ITGB5: variants seen among roughly 807,000 people sequenced by gnomAD.
ITGB5 encodes integrin beta-5.
ITGB5 carries 38 observed loss-of-function variants against 84.8 expected under a neutral mutation model. That is an observed-to-expected ratio of 0.45 (90% CI 0.35 to 0.59). The LOEUF is 0.59. ITGB5 is among the 20% of genes least tolerant of loss of function. ITGB5 has a pLI of 0.01. For missense variants in ITGB5, 905 were observed against 1,034.5 expected, an observed-to-expected ratio of 0.87 and a Z score of 1.72; for synonymous variants, 393 against 414.4, an observed-to-expected ratio of 0.95 and a Z score of 0.63.
intron 4 of ITGB5, among the ~76,000 whole-genome samples, chr3:124,846,347 G>C (rs1264274848): frequency 6.6e-6 from 1 of 151,294 alleles, no homozygotes; most frequent in East Asian, 1.9e-4. Flanking sequence ...TCACAAGATG[G>C]AAGGAGCTGG....
In ITGB5 at chr3:124,848,429, A is replaced by C; in HGVS notation, c.491T>G (p.Leu164Arg). Residue 164 changes from leucine (L) to arginine (R), a missense_variant, in exon 4 of 15, where the codon CTC becomes CGC. Transcript: ENST00000296181. ...GGTGAGCTTCCTCATCTCCTCCGCG[A>C]GTTTGGTGCCCAGGCTCCGGATATT... ...LDNIRSLGTK[L>R]AEEMRKLTSN... is the part of the protein sequence containing the mutation. 4 of 1,614,186 alleles carry C rather than the reference A, an allele frequency of 2.5e-6. No homozygotes were observed. In the South Asian group the frequency reaches 3.3e-5, roughly 13 times the overall value.
intron 9 of ITGB5, among the ~76,000 whole-genome samples, chr3:124,804,651 T>G (rs1390816278): frequency 6.6e-6 from 1 of 151,852 alleles, no homozygotes; most frequent in Middle Eastern, 3.2e-3. Context: ...GGCATTACTT[T>G]TTATTCACTT....
chr3:124,788,670 T>C (rs2064116226), intron 10 of ITGB5, among the ~76,000 whole-genome samples: 1 of 152,230 alleles, frequency 6.6e-6, no homozygotes, highest in Non-Finnish European at 1.5e-5. Flanking sequence ...ATTGCTACAC[T>C]GGTTTCTGAA....
intron 5 of ITGB5, among the ~76,000 whole-genome samples, chr3:124,837,183 C>T (rs917862983): frequency 1.3e-5 from 2 of 152,206 alleles, no homozygotes; most frequent in African/African-American, 4.8e-5. Flanking sequence ...CAGGCAACTG[C>T]TCACCCTCTG....
intron 2 of ITGB5, 140 bp downstream of exon 2, chr3:124,873,306 C>A: frequency 1.4e-6 from 1 of 721,810 alleles, no homozygotes; most frequent in Non-Finnish European, 2.6e-6. Context: ...TCACTCTGCC[C>A]TGATGGGGAA....
In ITGB5 at chr3:124,809,133, C is replaced by G. The variant is rs147540008; in HGVS notation, c.1152G>C (p.Leu384Phe). The change falls in exon 9 of 15, where the codon TTG becomes TTC. Residue 384 changes from leucine to phenylalanine, a missense_variant. This residue lies in a region of ITGB5 where 656 missense variants were observed against 734.7 expected (regional missense o/e 0.89). Coordinates refer to ENST00000296181, the MANE Select transcript of ITGB5 (RefSeq NM_002213.5). Reference protein sequence around the residue: ...AYNSIRSKVELSVWDQPEDLN... With the variant: ...AYNSIRSKVEFSVWDQPEDLN... The stretch of plus-strand genomic sequence containing the variant: ...GATCCTCAGGCTGATCCCAGACTGA[C>G]AACTCCACTTTAGACCGGATACTCT... 1.7e-5 allele frequency: 27 copies of G among 1,613,884 alleles called. No individual in the cohort carries two copies. The African/African-American group carries it at 2.9e-4, about 18-fold the overall frequency.
At chr3:124,782,984 T>C (rs202186668) in intron 10 of ITGB5, among the ~76,000 whole-genome samples, 1 of 151,760 alleles carries the variant, frequency 6.6e-6, no homozygotes. Context: ...CTTTTTTTTC[T>C]TTTTTAATAT....
At chr3:124,840,788 C>A (rs746225704) in intron 5 of ITGB5, among the ~76,000 whole-genome samples, 5 of 152,072 alleles carry the variant, frequency 3.3e-5, no homozygotes, top group Non-Finnish European at 7.4e-5. Context: ...CTCAGCCTCC[C>A]GAGTAGCTGG....
chr3:124,858,928 A>C (rs937833052), intron 3 of ITGB5, among the ~76,000 whole-genome samples: 3 of 152,226 alleles, frequency 2.0e-5, no homozygotes, highest in African/African-American at 7.2e-5. Flanking sequence ...GATACTGCTG[A>C]TGTTTATACA....
intron 5 of ITGB5, among the ~76,000 whole-genome samples, chr3:124,824,299 AT>A (rs2064751949): frequency 6.6e-6 from 1 of 152,228 alleles, no homozygotes; most frequent in Non-Finnish European, 1.5e-5. Context: ...TATCTAGTCA[AT>A]TCAGCAGCAA....
chr3:124,822,077 A>G (rs532608332), intron 5 of ITGB5, among the ~76,000 whole-genome samples: 1 of 152,336 alleles, frequency 6.6e-6, no homozygotes, highest in Non-Finnish European at 1.5e-5. Context: ...GTTAAAGTCA[A>G]TCAGATCCCT....
chr3:124,831,750 C>G (rs2064863388), intron 5 of ITGB5, among the ~76,000 whole-genome samples: 1 of 152,176 alleles, frequency 6.6e-6, no homozygotes, highest in Non-Finnish European at 1.5e-5. Context: ...AAGAGGCCCT[C>G]AAGACTGTTA....
At chr3:124,875,103 A>G (rs1289653814) in intron 1 of ITGB5, among the ~76,000 whole-genome samples, 2 of 152,206 alleles carry the variant, frequency 1.3e-5, no homozygotes, top group Admixed American at 6.5e-5. Flanking sequence ...TGCAAACCAC[A>G]CATCTGATAA....
intron 10 of ITGB5, among the ~76,000 whole-genome samples, chr3:124,775,231 TGAGTGTGTGAGTGC>T (rs2063907059): frequency 6.6e-6 from 1 of 152,070 alleles, no homozygotes; most frequent in African/African-American, 2.4e-5. Flanking sequence ...TGAGTGTGTA[TGAGTGTGTGAGTGC>T]AAGTGTGTGT....
At position 124,788,070 on chromosome 3, in the gene ITGB5, G is replaced by A. The variant is rs575701047; in HGVS notation, c.1693+8318C>T. On this transcript the variant is annotated intron_variant, in intron 10 of 14. Transcript: ENST00000296181. ...CCACAGGCACACGCCACCATGCCTG[G>A]ATAATTTTTTGTAGAGACGGGGCCT... Among the ~76,000 whole-genome samples the A allele has an allele frequency of 4.5e-4, 69 of 152,180 alleles. 1 individual carries two copies. In the South Asian group the frequency reaches 0.014, roughly 31 times the overall value.
At chr3:124,775,322 GTA>G (rs537840040) in intron 10 of ITGB5, among the ~76,000 whole-genome samples, 42 of 152,132 alleles carry the variant, frequency 2.8e-4, no homozygotes, top group African/African-American at 8.9e-4. Flanking sequence ...AAGTGTGAGT[GTA>G]TGTGTGTTGG....
chr3:124,883,234 G>GCATCTCAGAA (rs1382979130), intron 1 of ITGB5, among the ~76,000 whole-genome samples: 1 of 152,192 alleles, frequency 6.6e-6, no homozygotes, highest in East Asian at 1.9e-4. Context: ...ATAAGAAAAA[G>GCATCTCAGAA]TAGTTACCAG....
chr3:124,857,654 A>G (rs2065237705), intron 3 of ITGB5, among the ~76,000 whole-genome samples: 1 of 152,214 alleles, frequency 6.6e-6, no homozygotes. Context: ...ATAGCGTAAT[A>G]CTTTCCAATT....
chr3:124,766,280 T>G lies in ITGB5; in HGVS notation c.2083A>C (p.Thr695Pro). The change falls in exon 13 of 15, where the codon ACC (threonine) becomes CCC (proline). Residue 695 changes from threonine (T) to proline (P), a missense_variant. By Grantham distance (38) the Thr-to-Pro change is conservative. Transcript: ENST00000296181. ...KTAKDCVMMF[T>P]YVELPSGKSN... The stretch of plus-strand genomic sequence containing the variant: ...TTCCCACTGGGGAGCTCCACATAGG[T>G]GAACATCATGACGCAGTCCTTGGCG... 6.2e-7 allele frequency: 1 copy of G among 1,613,964 alleles called. No individual in the cohort carries two copies. The highest frequency in any genetic ancestry group is 8.5e-7 in the Non-Finnish European group (1 of 1,179,988).
Sources: allele counts gnomAD v4.1 joint callset (sites outside exome capture counted in the v4.1 genomes callset), GRCh38; gene constraint gnomAD v4.1.1; regional missense constraint gnomAD v4.1.1; transcripts MANE v1.5; gene names NCBI Gene and HGNC (gene_info 2026-07-23, HGNC 2026-07-21).